Variants in DPP10 observed in about 807,000 individuals in gnomAD.
DPP10 encodes inactive dipeptidyl peptidase 10.
Under a neutral mutation model 120.9 loss-of-function variants are expected in DPP10, and 33 were observed. The ratio of observed to expected loss-of-function variants is 0.27; its 90% CI spans 0.21 to 0.37. DPP10 has a LOEUF of 0.37. Among genes scored for constraint, DPP10 ranks in the 10% least tolerant of loss-of-function variants. DPP10 has a pLI of 1.00. For synonymous variants in DPP10, 337 were observed against 326.1 expected (o/e 1.03, Z -0.36); for missense variants, 816 against 942.8 (o/e 0.87, Z 1.76).
At chr2:115,523,987 C>G (rs1164258494) in intron 4 of DPP10, among the ~76,000 whole-genome samples, 1 of 152,122 alleles carries the variant, frequency 6.6e-6, no homozygotes, top group African/African-American at 2.4e-5. Context: ...GTAGATTGTA[C>G]AAGATAGGTG....
intron 1 of DPP10, among the ~76,000 whole-genome samples, chr2:114,710,696 G>A (rs770070075): frequency 1.2e-4 from 19 of 152,150 alleles, no homozygotes; most frequent in Non-Finnish European, 2.6e-4. Context: ...AGACAGTTGA[G>A]ATCATGACAC....
intron 3 of DPP10, among the ~76,000 whole-genome samples, chr2:115,484,883 C>G (rs770772637): frequency 2.6e-5 from 4 of 152,078 alleles, no homozygotes; most frequent in Non-Finnish European, 5.9e-5. Context: ...AATGACTTAT[C>G]TATCAATTCT....
chr2:114,547,683 AT>A (rs1197090390), intron 1 of DPP10, among the ~76,000 whole-genome samples: 3 of 152,222 alleles, frequency 2.0e-5, no homozygotes, highest in African/African-American at 7.2e-5. Flanking sequence ...TTATGCATAT[AT>A]GTGAGTCCAG....
chr2:114,854,289 A>G (rs996844403), intron 1 of DPP10, among the ~76,000 whole-genome samples: 2 of 152,216 alleles, frequency 1.3e-5, no homozygotes, highest in Admixed American at 1.3e-4. Flanking sequence ...TTAGATTTTA[A>G]CTTACTATTT....
intron 1 of DPP10, among the ~76,000 whole-genome samples, chr2:114,842,709 G>A (rs1046070466): frequency 2.0e-5 from 3 of 152,102 alleles, no homozygotes; most frequent in African/African-American, 2.4e-5. Flanking sequence ...TTTATTCACT[G>A]AAAGAATCAC....
intron 1 of DPP10, among the ~76,000 whole-genome samples, chr2:115,136,969 G>C (rs749424946): frequency 5.3e-5 from 8 of 152,126 alleles, no homozygotes; most frequent in Non-Finnish European, 1.0e-4. Flanking sequence ...AGTTCAGTTA[G>C]CTCAGTCTCT....
At chr2:115,016,462 A>G (rs1240764986) in intron 1 of DPP10, among the ~76,000 whole-genome samples, 2 of 152,204 alleles carry the variant, frequency 1.3e-5, no homozygotes, top group Admixed American at 1.3e-4. Context: ...TTCATGACAA[A>G]AACACCAAAA....
At chr2:115,267,164 G>A (rs2059496722) in intron 1 of DPP10, among the ~76,000 whole-genome samples, 1 of 152,138 alleles carries the variant, frequency 6.6e-6, no homozygotes, top group African/African-American at 2.4e-5. Flanking sequence ...AATTGTTCTT[G>A]TGTCTTCTAG....
intron 1 of DPP10, among the ~76,000 whole-genome samples, chr2:115,282,191 A>G (rs2060187259): frequency 6.6e-6 from 1 of 152,096 alleles, no homozygotes; most frequent in South Asian, 2.1e-4. Context: ...AAATAACAGA[A>G]TTTAAGAAAA....
At chr2:115,144,923 C>T (rs2051139600) in intron 1 of DPP10, 1 of 152,114 alleles carries the variant, frequency 6.6e-6, no homozygotes, top group African/African-American at 2.4e-5. Context: ...TTGTCTCTCG[C>T]CAGTGCCTTC....
intron 1 of DPP10, among the ~76,000 whole-genome samples, chr2:115,192,958 T>G (rs1255574483): frequency 6.6e-6 from 1 of 151,936 alleles, no homozygotes; most frequent in Admixed American, 6.6e-5. Context: ...CAAAACTTGC[T>G]TAAACTTTAA....
rs191342696 is a variant in DPP10, at chr2:114,644,876, A to G, written c.60+202038A>G. On this transcript the variant is annotated intron_variant, in intron 1 of 25. Transcript: ENST00000410059. ...TCTTTCTGATCGAGTGGGTAAAAAA[A>G]GATACTGGACCATTTTAGTTGCTAT... Among the ~76,000 whole-genome samples the G allele has an allele frequency of 2.5e-3, 378 of 152,080 alleles. 11 individuals carry two copies. Among genetic ancestry groups the G allele is most frequent in the Admixed American group, 0.023 (354 of 15,304 alleles).
intron 13 of DPP10, among the ~76,000 whole-genome samples, chr2:115,774,209 T>TAC (rs3069387): frequency 0.26 from 38,520 of 147,416 alleles, 5,134 homozygotes; most frequent in Middle Eastern, 0.4. Flanking sequence ...AAAACACACA[T>TAC]ACACACACAC....
At chr2:115,321,151 A>G (rs1021856234) in intron 2 of DPP10, among the ~76,000 whole-genome samples, 5 of 152,114 alleles carry the variant, frequency 3.3e-5, no homozygotes, top group African/African-American at 1.2e-4. Flanking sequence ...AATACAAAAA[A>G]TTAGCTGGGT....
At chr2:115,052,622 G>A (rs953347391) in intron 1 of DPP10, among the ~76,000 whole-genome samples, 3 of 152,136 alleles carry the variant, frequency 2.0e-5, no homozygotes, top group Non-Finnish European at 2.9e-5. Flanking sequence ...AAACCACAGT[G>A]AGATACCACT....
chr2:115,303,800 T>G (rs1387282328), intron 1 of DPP10, among the ~76,000 whole-genome samples: 1 of 151,938 alleles, frequency 6.6e-6, no homozygotes, highest in East Asian at 1.9e-4. Flanking sequence ...CTCCAGTACA[T>G]TTTGTTAAAT....
At chr2:115,337,104 G>T (rs1454429531) in intron 2 of DPP10, among the ~76,000 whole-genome samples, 1 of 147,762 alleles carries the variant, frequency 6.8e-6, no homozygotes, top group African/African-American at 2.5e-5. Flanking sequence ...GGTAAGCTTG[G>T]AATTTAAGAC....
chr2:114,661,615 CTAAG>C (rs1456417033), intron 1 of DPP10, among the ~76,000 whole-genome samples: 1 of 152,164 alleles, frequency 6.6e-6, no homozygotes, highest in Non-Finnish European at 1.5e-5. Context: ...CATTCATTAG[CTAAG>C]TAACTCAGGG....
At chr2:114,989,581 C>G (rs1312721203) in intron 1 of DPP10, among the ~76,000 whole-genome samples, 1 of 152,190 alleles carries the variant, frequency 6.6e-6, no homozygotes, top group African/African-American at 2.4e-5. Context: ...GTTACTGGAT[C>G]TGGCTCATGT....
Sources: allele counts gnomAD v4.1 joint callset (sites outside exome capture counted in the v4.1 genomes callset), GRCh38; gene constraint gnomAD v4.1.1; transcripts MANE v1.5; gene names NCBI Gene and HGNC (gene_info 2026-07-23, HGNC 2026-07-21).